The following PRDM6 variants were observed in gnomAD, a reference collection of about 807,000 sequenced individuals.
PRDM6 encodes the protein PR/SET domain 6.
In PRDM6, 25 loss-of-function variants were observed where a neutral mutation model predicts 60.8. The ratio of observed to expected loss-of-function variants is 0.41; its 90% confidence interval spans 0.30 to 0.57. The LOEUF (loss-of-function observed/expected upper bound fraction) is 0.57. Ranked by LOEUF, PRDM6 falls within the 20% of genes least tolerant of loss-of-function variation. PRDM6 has a pLI of 0.27. For missense variants in PRDM6, 839 were observed against 821.3 expected, an observed-to-expected ratio of 1.02 and a Z score of -0.26; for synonymous variants, 407 against 357.4, an observed-to-expected ratio of 1.14 and a Z score of -1.57.
At chr5:123,134,716 C>A (rs1330779133) in intron 3 of PRDM6, among the ~76,000 whole-genome samples, 1 of 151,954 alleles carries the variant, frequency 6.6e-6, no homozygotes, top group East Asian at 1.9e-4. Context: ...ATATCTCTAC[C>A]AATCATTTTC....
At chr5:123,133,359 A>G (rs926340720) in intron 3 of PRDM6, among the ~76,000 whole-genome samples, 16 of 152,134 alleles carry the variant, frequency 1.1e-4, no homozygotes, top group African/African-American at 3.9e-4. Context: ...TAGTACTAGT[A>G]ATCTTTTCCT....
intron 3 of PRDM6, among the ~76,000 whole-genome samples, chr5:123,136,690 G>C (rs1347981652): frequency 6.6e-6 from 1 of 152,150 alleles, no homozygotes; most frequent in Non-Finnish European, 1.5e-5. Flanking sequence ...GGTAGAAAAA[G>C]GTTTAATAGA....
At chr5:123,182,508 G>A (rs1747703895) in intron 7 of PRDM6, among the ~76,000 whole-genome samples, 1 of 152,190 alleles carries the variant, frequency 6.6e-6, no homozygotes, top group Non-Finnish European at 1.5e-5. Flanking sequence ...ATGGGAAATA[G>A]ATTTCTATTA....
intron 3 of PRDM6, among the ~76,000 whole-genome samples, chr5:123,130,179 TCCCTTCCCTTCCCTTCCTCTC>T (rs1764797514): frequency 4.6e-5 from 1 of 21,886 alleles, no homozygotes; most frequent in Non-Finnish European, 9.0e-5. Context: ...CCCCTCCCCT[TCCCTTCCCTTCCCTTCCTCTC>T]CCCTTCCCTT....
chr5:123,126,119 C>T (rs1046245103), intron 3 of PRDM6, among the ~76,000 whole-genome samples: 2 of 152,114 alleles, frequency 1.3e-5, no homozygotes, highest in East Asian at 1.9e-4. Context: ...ATAGGGACCA[C>T]GTTGGCATAA....
Position 123,187,967 on chromosome 5 carries a change from G to A in PRDM6, c.*766G>A, listed in dbSNP as rs192994604. On this transcript the variant is annotated 3_prime_UTR_variant, in exon 8 of 8. Transcript: ENST00000407847. ...ACGTTATATTGTTCCGAAGCAGCTCGTTGAGAAACATTTGTTTTCAATAAC... is the reference window on the plus strand; with the variant it reads ...ACGTTATATTGTTCCGAAGCAGCTCATTGAGAAACATTTGTTTTCAATAAC... 3.3e-5 allele frequency: 5 copies of A among 151,516 alleles called. No individual in the cohort carries two copies. Among genetic ancestry groups the A allele is most frequent in the East Asian group, 1.9e-4 (1 of 5,162 alleles). The allele number at this position is 151,516 out of a possible 1,614,324, so 9.4% of individuals were successfully genotyped here.
intron 3 of PRDM6, among the ~76,000 whole-genome samples, chr5:123,136,565 T>C (rs1293200768): frequency 6.6e-6 from 1 of 152,194 alleles, no homozygotes; most frequent in Admixed American, 6.5e-5. Context: ...TTTTAGCACA[T>C]TTGACTCTAT....
chr5:123,097,229 C>G (rs1252134780), intron 2 of PRDM6, among the ~76,000 whole-genome samples: 1 of 152,132 alleles, frequency 6.6e-6, no homozygotes, highest in South Asian at 2.1e-4. Flanking sequence ...CTTTAATGTC[C>G]GAAAACACAA....
chr5:123,112,058 G>C (rs1010702000), intron 3 of PRDM6, among the ~76,000 whole-genome samples: 1 of 152,190 alleles, frequency 6.6e-6, no homozygotes, highest in African/African-American at 2.4e-5. Context: ...CTGTATTTCA[G>C]AACTCCGCCT....
intron 3 of PRDM6, among the ~76,000 whole-genome samples, chr5:123,117,632 T>G (rs1764486262): frequency 1.3e-5 from 2 of 152,222 alleles, no homozygotes; most frequent in South Asian, 4.1e-4. Context: ...TTAGAGTCAC[T>G]GATGGATTTT....
intron 2 of PRDM6, among the ~76,000 whole-genome samples, chr5:123,097,322 T>C (rs1025413551): frequency 1.3e-5 from 2 of 152,230 alleles, no homozygotes; most frequent in African/African-American, 4.8e-5. Flanking sequence ...CAGTGAAATA[T>C]TTCAATTCAA....
chr5:123,151,567 CTT>C (rs1765369837), intron 3 of PRDM6, among the ~76,000 whole-genome samples: 1 of 152,120 alleles, frequency 6.6e-6, no homozygotes, highest in African/African-American at 2.4e-5. Flanking sequence ...AGACTACTAA[CTT>C]TTGTAGACGC....
At chr5:123,158,001 C>T (rs1393041293) in intron 4 of PRDM6, among the ~76,000 whole-genome samples, 1 of 152,234 alleles carries the variant, frequency 6.6e-6, no homozygotes, top group Non-Finnish European at 1.5e-5. Context: ...TGTGCTTCAA[C>T]ATGCAGAGAT....
chr5:123,138,447 A>T (rs1190726852), intron 3 of PRDM6, among the ~76,000 whole-genome samples: 1 of 152,278 alleles, frequency 6.6e-6, no homozygotes, highest in East Asian at 1.9e-4. Flanking sequence ...AAGCACCTAT[A>T]TAATCTCTGC....
chr5:123,115,686 A>G (rs1764424184), intron 3 of PRDM6, among the ~76,000 whole-genome samples: 1 of 152,222 alleles, frequency 6.6e-6, no homozygotes, highest in African/African-American at 2.4e-5. Flanking sequence ...TCCTCATCAT[A>G]AAACCATGAT....
intron 3 of PRDM6, among the ~76,000 whole-genome samples, chr5:123,153,743 A>G (rs1014698112): frequency 6.6e-6 from 1 of 152,122 alleles, no homozygotes; most frequent in East Asian, 1.9e-4. Flanking sequence ...AACACTTTTC[A>G]TACTAATTTT....
chr5:123,132,588 T>C (rs1764857240), intron 3 of PRDM6, among the ~76,000 whole-genome samples: 3 of 152,318 alleles, frequency 2.0e-5, no homozygotes, highest in African/African-American at 2.4e-5. Context: ...TCTTGAATGT[T>C]GCTAAATGCA....
chr5:123,156,063 A>G (rs1433768488), intron 4 of PRDM6, 52 bp downstream of exon 4: 11 of 1,498,722 alleles, frequency 7.3e-6, no homozygotes, highest in South Asian at 3.9e-5. Context: ...TTTGGCTTGC[A>G]TATACAAATT....
intron 3 of PRDM6, among the ~76,000 whole-genome samples, chr5:123,145,180 A>G (rs1364756880): frequency 6.6e-6 from 1 of 152,170 alleles, no homozygotes; most frequent in Admixed American, 6.5e-5. Flanking sequence ...TCCTTTTTGC[A>G]AAATTGTAAT....
Sources: allele counts gnomAD v4.1 joint callset (sites outside exome capture counted in the v4.1 genomes callset), GRCh38; gene constraint gnomAD v4.1.1; transcripts MANE v1.5; gene names NCBI Gene and HGNC (gene_info 2026-07-23, HGNC 2026-07-21).